Variants in CCDC180 observed in about 807,000 individuals in gnomAD.
The protein encoded by CCDC180 is coiled-coil domain containing 180.
Under a neutral mutation model 209.2 loss-of-function variants are expected in CCDC180, and 154 were observed. The observed-to-expected ratio is 0.74, with a 90% CI of 0.65 to 0.84. The LOEUF is 0.84. CCDC180 is among the 40% of genes least tolerant of loss of function. The probability of loss-of-function intolerance (pLI) is 0.00; values close to 1 mark genes in which losing one functional copy is unlikely to be tolerated. For synonymous variants in CCDC180, 778 were observed against 749.1 expected (o/e 1.04, Z -0.63); for missense variants, 1,874 against 1,997.3 (o/e 0.94, Z 1.18).
At chr9:97,330,225 C>T in intron 17 of CCDC180, 32 bp downstream of exon 17, 1 of 1,613,112 alleles carries the variant, frequency 6.2e-7, no homozygotes, top group Non-Finnish European at 8.5e-7. Context: ...TTTTATTCTC[C>T]CAGACTTCAC....
intron 24 of CCDC180, among the ~76,000 whole-genome samples, chr9:97,355,983 T>TGGGGCTGTGTGCTC (rs1206141617): frequency 6.6e-6 from 1 of 151,506 alleles, no homozygotes; most frequent in East Asian, 1.9e-4. Flanking sequence ...AGGGTTCGGG[T>TGGGGCTGTGTGCTC]GGGGCTGTGT....
At chr9:97,369,753 T>C in intron 31 of CCDC180, 169 bp from the exon 32 acceptor site, 1 of 648,012 alleles carries the variant, frequency 1.5e-6, no homozygotes, top group South Asian at 2.0e-5. Context: ...CCCTGTATTT[T>C]CTATACTGGT....
chr9:97,368,081 A>C (rs1484185081), intron 31 of CCDC180, among the ~76,000 whole-genome samples: 1 of 152,206 alleles, frequency 6.6e-6, no homozygotes, highest in East Asian at 1.9e-4. Context: ...TGGTAAACTC[A>C]CAACTAGTGA....
chr9:97,374,442 G>T, intron 34 of CCDC180, 101 bp from the exon 35 acceptor site: 1 of 824,180 alleles, frequency 1.2e-6, no homozygotes. Context: ...AGTGGGAGGA[G>T]GGGTGCCAGT....
chr9:97,333,503 G>GTTTTTTTTT (rs373215367), intron 18 of CCDC180, among the ~76,000 whole-genome samples: 1 of 72,844 alleles, frequency 1.4e-5, no homozygotes, highest in Non-Finnish European at 2.6e-5. Flanking sequence ...CTGGGTTTGG[G>GTTTTTTTTT]TTTTTTTTTT....
At chr9:97,354,799 T>A in intron 23 of CCDC180, 86 bp downstream of exon 23, 1 of 1,585,624 alleles carries the variant, frequency 6.3e-7, no homozygotes, top group South Asian at 1.1e-5. Flanking sequence ...AAGCCCTCCA[T>A]CCAACCATTC....
At chr9:97,342,512 T>G (rs1826116916) in intron 18 of CCDC180, among the ~76,000 whole-genome samples, 1 of 152,202 alleles carries the variant, frequency 6.6e-6, no homozygotes, top group African/African-American at 2.4e-5. Flanking sequence ...ACTCTTGACC[T>G]CAAGTGATCC....
intron 26 of CCDC180, 99 bp from the exon 27 acceptor site, chr9:97,361,627 C>A: frequency 1.6e-6 from 2 of 1,268,878 alleles, no homozygotes; most frequent in Non-Finnish European, 1.1e-6. Context: ...TGCAGCCACT[C>A]CACTGAGGCA....
Position 97,312,407 on chromosome 9 carries a change from C to T in CCDC180, c.349+206C>T, listed in dbSNP as rs117949327. Among the ~76,000 whole-genome samples, 1,423 of 152,172 alleles carry T rather than the reference C, an allele frequency of 9.4e-3. 41 individuals carry two copies. In the East Asian group the frequency reaches 0.095, roughly 10 times the overall value. On this transcript the variant is annotated intron_variant, in intron 4 of 36. Coordinates refer to ENST00000529487, the MANE Select transcript of CCDC180 (RefSeq NM_020893.6). The stretch of plus-strand genomic sequence containing the variant: ...CAGAGAGCTGGGGGAGGAGGGGAGC[C>T]GCCTGCATGGAGGGCAGTTACTGAT...
At chr9:97,337,972 C>T (rs1011077933) in intron 18 of CCDC180, among the ~76,000 whole-genome samples, 1 of 152,162 alleles carries the variant, frequency 6.6e-6, no homozygotes, top group Admixed American at 6.5e-5. Flanking sequence ...ATAGTATTCT[C>T]TGATGGTAGT....
rs2117888969 is a variant in CCDC180, at chr9:97,362,301, T to C, written c.3762T>C (p.Ala1254=). The stretch of plus-strand genomic sequence containing the variant: ...CTCGGGGCAGCAGTGAGGCAGGGGC[T>C]GGTGGTGCTGTGTGCTCACCTCCTG... ...CGSRGSSEAG[A]GGAVCSPPVL... The change falls in exon 28 of 37, where the codon GCT becomes GCC. Residue 1254 remains alanine, a synonymous_variant. Transcript: ENST00000529487. 1 of 1,614,032 alleles carries C rather than the reference T, an allele frequency of 6.2e-7. No homozygotes were observed. Among genetic ancestry groups the C allele is most frequent in the South Asian group, 1.1e-5 (1 of 91,076 alleles).
chr9:97,326,554 G>A lies in CCDC180; in HGVS notation c.1546G>A (p.Val516Met). 3.1e-6 allele frequency: 5 copies of A among 1,599,532 alleles called. No homozygotes were observed. The highest frequency in any genetic ancestry group is 4.3e-6 in the Non-Finnish European group (5 of 1,166,738). ...HRQKHSLESQ[V>M]QEAHLDRLLD... ...CTCTTGTTTTGGGGGTGGCTTCCAGGTGCAGGAGGCCCACCTCGATAGGCT... is the reference window on the plus strand; with the variant it reads ...CTCTTGTTTTGGGGGTGGCTTCCAGATGCAGGAGGCCCACCTCGATAGGCT... Residue 516 changes from valine to methionine, a missense_variant and splice_region_variant, in exon 15 of 37, where the codon GTG becomes ATG. Val to Met is a conservative substitution (Grantham distance 21, BLOSUM62 1). Transcript: ENST00000529487.
Position 97,374,658 on chromosome 9 carries a change from A to G in CCDC180, c.4706+10A>G. 1 of 1,605,544 alleles carries G rather than the reference A, an allele frequency of 6.2e-7. No homozygotes were observed. The highest frequency in any genetic ancestry group is 8.5e-7 in the Non-Finnish European group (1 of 1,172,472). On this transcript the variant is annotated intron_variant, in intron 35 of 36. Coordinates refer to ENST00000529487, the MANE Select transcript of CCDC180 (RefSeq NM_020893.6). ...TTGAACGTGGAAGCAGGTGAGAACCAAGAGCAGCAAGGACTACTGTAAATG... is the reference window on the plus strand; with the variant it reads ...TTGAACGTGGAAGCAGGTGAGAACCGAGAGCAGCAAGGACTACTGTAAATG...
intron 20 of CCDC180, among the ~76,000 whole-genome samples, chr9:97,348,142 A>AG (rs1826326970): frequency 6.6e-6 from 1 of 151,268 alleles, no homozygotes; most frequent in African/African-American, 2.4e-5. Flanking sequence ...TGTTTTCAGT[A>AG]GGATCCTTCA....
chr9:97,370,791 A>G lies in CCDC180; in HGVS notation c.4488+13A>G, dbSNP rs73563885. ...GGAGAAGCTGGAGGTCAGTGATACC[A>G]TTGATTCGCCAGTCCAGGCATGCTC... On this transcript the variant is annotated intron_variant, in intron 33 of 36. Transcript: ENST00000529487. The G allele has an allele frequency of 5.1e-3, 8,296 of 1,613,094 alleles. 389 individuals carry two copies. In the African/African-American group the frequency reaches 0.096, roughly 19 times the overall value.
At chr9:97,346,245 G>C (rs1378962777) in intron 19 of CCDC180, among the ~76,000 whole-genome samples, 1 of 152,186 alleles carries the variant, frequency 6.6e-6, no homozygotes, top group East Asian at 1.9e-4. Flanking sequence ...GATAGTGTAA[G>C]TCCTCCACCT....
Position 97,365,720 on chromosome 9 carries a change from A to G in CCDC180, c.4028A>G (p.Asn1343Ser). Residue 1343 changes from asparagine to serine, a missense_variant, in exon 30 of 37, where the codon AAC becomes AGC. By Grantham distance (46) the Asn-to-Ser change is conservative (BLOSUM62 1). Transcript: ENST00000529487. ...ILTLLWESSENLLTVAEEFYR... is the reference protein window; with the variant it reads ...ILTLLWESSESLLTVAEEFYR... Reference sequence around the variant, plus strand: ...ACCCTCCTCTGGGAGAGCAGTGAGAACCTGCTGACAGTCGCAGAGGTGAGG... The same window carrying G: ...ACCCTCCTCTGGGAGAGCAGTGAGAGCCTGCTGACAGTCGCAGAGGTGAGG... The G allele has an allele frequency of 6.2e-7, 1 of 1,614,008 alleles. No homozygotes were observed. Among genetic ancestry groups the G allele is most frequent in the Non-Finnish European group, 8.5e-7 (1 of 1,179,996 alleles).
chr9:97,343,743 G>A (rs1466676255), intron 19 of CCDC180, 180 bp downstream of exon 19: 1 of 591,804 alleles, frequency 1.7e-6, no homozygotes, highest in Non-Finnish European at 3.0e-6. Flanking sequence ...GGAATTATTT[G>A]CAGTCACAGA....
intron 5 of CCDC180, among the ~76,000 whole-genome samples, chr9:97,313,647 AGG>A (rs1338625108): frequency 1.3e-5 from 2 of 152,196 alleles, no homozygotes; most frequent in Non-Finnish European, 2.9e-5. Flanking sequence ...ACTTCCCTCC[AGG>A]TCTGACACCA....
Sources: gnomAD v4.1 joint callset for allele counts (sites outside exome capture counted in the v4.1 genomes callset) on GRCh38, gnomAD v4.1.1 for gene constraint, MANE v1.5 for transcripts, NCBI Gene and HGNC (gene_info 2026-07-23, HGNC 2026-07-21) for gene names.